The following AMBP variants were observed in gnomAD, a reference collection of about 807,000 sequenced individuals.
The protein encoded by AMBP is protein AMBP.
Under a neutral mutation model 46.3 loss-of-function variants are expected in AMBP, and 37 were observed. The observed-to-expected ratio is 0.80, with a 90% confidence interval of 0.61 to 1.05. The LOEUF (loss-of-function observed/expected upper bound fraction) is 1.05. AMBP is among the 50% of genes least tolerant of loss of function. The pLI, the probability that AMBP is intolerant of heterozygous loss-of-function variation, is 0.00. For synonymous variants in AMBP, 174 were observed against 175.9 expected, an observed-to-expected ratio of 0.99 and a Z score of 0.09; for missense variants, 475 against 461.2, an observed-to-expected ratio of 1.03 and a Z score of -0.27.
intron 6 of AMBP, among the ~76,000 whole-genome samples, chr9:114,065,433 C>A (rs963823530): frequency 6.6e-6 from 1 of 152,168 alleles, no homozygotes; most frequent in Non-Finnish European, 1.5e-5. Flanking sequence ...GGGAGAGACA[C>A]GGCACAGATT....
intron 6 of AMBP, among the ~76,000 whole-genome samples, chr9:114,069,203 TAA>T (rs1846720891): frequency 1.3e-5 from 2 of 151,714 alleles, no homozygotes; most frequent in Non-Finnish European, 2.9e-5. Context: ...TGCAAGAAAA[TAA>T]AAGAGAAGCA....
intron 9 of AMBP, among the ~76,000 whole-genome samples, 191 bp from the exon 10 acceptor site, chr9:114,060,461 A>G (rs1232204160): frequency 6.6e-6 from 1 of 152,114 alleles, no homozygotes; most frequent in African/African-American, 2.4e-5. Context: ...TGGGAAAATC[A>G]AGGCACAGAC....
intron 5 of AMBP, among the ~76,000 whole-genome samples, chr9:114,071,327 C>T (rs1333078837): frequency 6.6e-6 from 1 of 152,256 alleles, no homozygotes; most frequent in East Asian, 1.9e-4. Flanking sequence ...AGCCAGGGTG[C>T]TGTTGCAGCC....
chr9:114,073,672 A>G (rs1361695842), intron 4 of AMBP, among the ~76,000 whole-genome samples: 1 of 151,676 alleles, frequency 6.6e-6, no homozygotes, highest in Non-Finnish European at 1.5e-5. Context: ...CTAATTCTTT[A>G]ATTTTTTGTA....
rs774860861 is a variant in AMBP, at chr9:114,061,305, G to A, written c.853+119C>T. On this transcript the variant is annotated intron_variant, in intron 8 of 9. Transcript: ENST00000265132. ...GGAATTCCTAAGATTTCAGGAAACC[G>A]CCTGGAGTTCTACCACTGGAATGCC... The A allele has an allele frequency of 9.3e-6, 14 of 1,508,330 alleles. No individual in the cohort carries two copies. The East Asian group carries it at 1.6e-4, about 17-fold the overall frequency. 93.4% of individuals were successfully genotyped at this position (1,508,330 alleles called of 1,614,324 possible). A position where few individuals can be genotyped will look rare whatever the true frequency, so the allele number is the denominator to read the frequency against.
intron 5 of AMBP, among the ~76,000 whole-genome samples, chr9:114,070,626 C>T (rs1002732263): frequency 6.6e-6 from 1 of 152,206 alleles, no homozygotes; most frequent in African/African-American, 2.4e-5. Context: ...GCTGCACTTG[C>T]ACACAGAGCA....
rs1232464767 is a variant in AMBP, at chr9:114,061,532, A to G, written c.745T>C (p.Tyr249His). 6.2e-7 allele frequency: 1 copy of G among 1,613,862 alleles called. No individual in the cohort carries two copies. The highest frequency in any genetic ancestry group is 8.5e-7 in the Non-Finnish European group (1 of 1,179,818). ...PCMGMTSRYF[Y>H]NGTSMACETF... ...TCACAGGCCATGGATGTACCATTATAGAAATACCTGCTGGTCATTCCCATG... is the reference window on the plus strand; with the variant it reads ...TCACAGGCCATGGATGTACCATTATGGAAATACCTGCTGGTCATTCCCATG... Residue 249 changes from tyrosine to histidine, a missense_variant, in exon 8 of 10, where the codon TAT becomes CAT. Tyr to His is a moderately conservative substitution (Grantham distance 83, BLOSUM62 2). Transcript: ENST00000265132.
rs1036360680 is a variant in AMBP at position 114,061,655 on chromosome 9, C to T, written c.686-64G>A. On this transcript the variant is annotated intron_variant, in intron 7 of 9. Transcript: ENST00000265132. ...ACTGTGTACCCATTATCAGGCTGGG[C>T]ACTTGATATGCGCCATCTCATTTAA... 1.4e-5 allele frequency: 20 copies of T among 1,474,878 alleles called. No homozygotes were observed. The Admixed American group carries it at 3.4e-4, about 25-fold the overall frequency. 91.4% of individuals were successfully genotyped at this position (1,474,878 alleles called of 1,614,324 possible).
At chr9:114,062,610 T>G in intron 7 of AMBP, 67 bp downstream of exon 7, 1 of 1,513,664 alleles carries the variant, frequency 6.6e-7, no homozygotes, top group South Asian at 1.1e-5. Flanking sequence ...GTAGCCAGGG[T>G]GAGCCAACTG....
chr9:114,061,121 G>T, intron 8 of AMBP, 23 bp from the exon 9 acceptor site: 1 of 1,611,336 alleles, frequency 6.2e-7, no homozygotes, highest in Non-Finnish European at 8.5e-7. Flanking sequence ...GAGAGGCATG[G>T]AACTTGAGAA....
At chr9:114,077,136 T>C (rs1179462116) in intron 1 of AMBP, among the ~76,000 whole-genome samples, 1 of 152,166 alleles carries the variant, frequency 6.6e-6, no homozygotes, top group Non-Finnish European at 1.5e-5. Flanking sequence ...CACAGCCCCA[T>C]GTTAGGAATT....
intron 4 of AMBP, among the ~76,000 whole-genome samples, chr9:114,073,323 T>C (rs1319941083): frequency 6.6e-6 from 1 of 151,446 alleles, no homozygotes; most frequent in East Asian, 1.9e-4. Flanking sequence ...CTCAGCTCAC[T>C]GCAAGCTCTG....
intron 5 of AMBP, 180 bp from the exon 6 acceptor site, chr9:114,069,925 G>T (rs1290454231): frequency 1.6e-6 from 1 of 611,852 alleles, no homozygotes; most frequent in Non-Finnish European, 2.9e-6. Flanking sequence ...GCAAGAGACT[G>T]GTGGCTGCAC....
At position 114,073,500 on chromosome 9, in the gene AMBP, T is replaced by TG. The variant is rs369839594; in HGVS notation, c.455-475_455-474insC. On this transcript the variant is annotated intron_variant, in intron 4 of 9. Coordinates refer to ENST00000265132, the MANE Select transcript of AMBP (RefSeq NM_001633.4). ...AGGATGGTCTCAATCCCTGTTTTTT[T>TG]TTTTTTTTTTTTTTTGAGACAGGGT... Among the ~76,000 whole-genome samples the TG allele has an allele frequency of 8.3e-3, 1,220 of 146,252 alleles. 7 individuals carry two copies. Among genetic ancestry groups the TG allele is most frequent in the Middle Eastern group, 0.042 (12 of 286 alleles).
rs540924315 is a variant in AMBP, at chr9:114,078,272, G to A, written c.-63C>T. The A allele has an allele frequency of 1.1e-4, 171 of 1,487,744 alleles. No homozygotes were observed. Among genetic ancestry groups the A allele is most frequent in the African/African-American group, 2.1e-4 (15 of 72,482 alleles). 92.2% of individuals were successfully genotyped at this position (1,487,744 alleles called of 1,614,324 possible). On this transcript the variant is annotated 5_prime_UTR_variant, in exon 1 of 10. Coordinates refer to ENST00000265132, the MANE Select transcript of AMBP (RefSeq NM_001633.4). ...TCGGTCTAGCAACAGAAGGGCCACC[G>A]CCTCCCTGCAACAGGGCAGCTGTGA...
At chr9:114,062,790 C>G (rs758041826) in intron 6 of AMBP, 32 bp from the exon 7 acceptor site, 2 of 1,602,808 alleles carry the variant, frequency 1.2e-6, no homozygotes, top group Admixed American at 3.3e-5. Context: ...GAAGCAGTTG[C>G]AGACTCCTTG....
In AMBP at chr9:114,069,952, C is replaced by T. The variant is rs189293933; in HGVS notation, c.557-207G>A. ...TGGCTGCACCATCATTACCATCTATCCACTCCACCCCACCCCACTAGCATC... is the reference window on the plus strand; with the variant it reads ...TGGCTGCACCATCATTACCATCTATTCACTCCACCCCACCCCACTAGCATC... On this transcript the variant is annotated intron_variant, in intron 5 of 9. Coordinates refer to ENST00000265132, the MANE Select transcript of AMBP (RefSeq NM_001633.4). 483 of 580,344 alleles carry T rather than the reference C, an allele frequency of 8.3e-4. 3 individuals carry two copies. Among genetic ancestry groups the T allele is most frequent in the East Asian group, 6.9e-3 (244 of 35,284 alleles). 35.9% of individuals were successfully genotyped at this position (580,344 alleles called of 1,614,324 possible).
At chr9:114,072,489 C>G (rs182827042) in intron 5 of AMBP, among the ~76,000 whole-genome samples, 2 of 152,192 alleles carry the variant, frequency 1.3e-5, no homozygotes, top group Non-Finnish European at 2.9e-5. Flanking sequence ...GAGCCAAGCA[C>G]GGTCTACCAG....
chr9:114,060,409 T>A, intron 9 of AMBP, 139 bp from the exon 10 acceptor site: 1 of 947,106 alleles, frequency 1.1e-6, no homozygotes. Context: ...ATGATCAGAT[T>A]TTTTTTTCCT....
Sources: gnomAD v4.1 joint callset for allele counts (sites outside exome capture counted in the v4.1 genomes callset) on GRCh38, gnomAD v4.1.1 for gene constraint, MANE v1.5 for transcripts, NCBI Gene and HGNC (gene_info 2026-07-23, HGNC 2026-07-21) for gene names.